Variants in GATB observed in about 807,000 individuals in gnomAD.
GATB encodes the protein glutamyl-tRNA amidotransferase subunit B, also known as glutamyl-tRNA(Gln) amidotransferase subunit B, mitochondrial.
Under a neutral mutation model 62.3 loss-of-function variants are expected in GATB, and 39 were observed. The observed-to-expected ratio is 0.63, with a 90% CI of 0.48 to 0.82. The LOEUF (loss-of-function observed/expected upper bound fraction) is 0.82, where lower values mean the gene tolerates loss of function less well. Ranked by LOEUF, GATB falls within the 40% of genes least tolerant of loss-of-function variation. The pLI is 0.00. For missense variants in GATB, 670 were observed against 684.0 expected (o/e 0.98, Z 0.23); for synonymous variants, 276 against 258.9 (o/e 1.07, Z -0.63).
At chr4:151,719,365 A>T in intron 3 of GATB, 60 bp downstream of exon 3, 1 of 1,227,212 alleles carries the variant, frequency 8.1e-7, no homozygotes, top group Non-Finnish European at 1.2e-6. Context: ...CCGACCCCCC[A>T]CAGCAGGGCT....
intron 9 of GATB, among the ~76,000 whole-genome samples, chr4:151,693,508 C>G (rs558015941): frequency 6.6e-6 from 1 of 152,130 alleles, no homozygotes; most frequent in African/African-American, 2.4e-5. Flanking sequence ...CACGACCCCC[C>G]CCTCAAGAGT....
intron 2 of GATB, among the ~76,000 whole-genome samples, chr4:151,736,529 C>G (rs138406032): frequency 2.2e-4 from 34 of 152,254 alleles, no homozygotes; most frequent in African/African-American, 8.2e-4. Flanking sequence ...GTTACTCATA[C>G]TGTTGTGAAT....
intron 9 of GATB, among the ~76,000 whole-genome samples, chr4:151,694,205 A>G (rs796642722): frequency 1.8e-4 from 27 of 152,322 alleles, no homozygotes; most frequent in African/African-American, 6.5e-4. Flanking sequence ...TGAAACCTGA[A>G]ATAATATATA....
At chr4:151,698,835 G>A (rs1738540339) in intron 9 of GATB, among the ~76,000 whole-genome samples, 1 of 151,028 alleles carries the variant, frequency 6.6e-6, no homozygotes, top group Non-Finnish European at 1.5e-5. Flanking sequence ...CGTTTTTAAG[G>A]TATCAAAAAA....
chr4:151,694,523 C>T (rs1738430664), intron 9 of GATB, among the ~76,000 whole-genome samples: 1 of 152,206 alleles, frequency 6.6e-6, no homozygotes, highest in Non-Finnish European at 1.5e-5. Context: ...TATAGAGTCA[C>T]TGTAAAAGCA....
At chr4:151,703,798 A>AAT (rs1738653080) in intron 8 of GATB, 53 bp downstream of exon 8, 2 of 1,220,716 alleles carry the variant, frequency 1.6e-6, no homozygotes, top group Non-Finnish European at 2.4e-6. Context: ...ATGAACTTGA[A>AAT]ATACGCCCCA....
intron 10 of GATB, among the ~76,000 whole-genome samples, chr4:151,682,658 A>G (rs1160798702): frequency 6.6e-6 from 1 of 151,846 alleles, no homozygotes; most frequent in African/African-American, 2.4e-5. Flanking sequence ...CTTGGATGAG[A>G]GCAGACAACG....
At chr4:151,731,017 A>G (rs1739233110) in intron 2 of GATB, among the ~76,000 whole-genome samples, 1 of 152,248 alleles carries the variant, frequency 6.6e-6, no homozygotes, top group Non-Finnish European at 1.5e-5. Context: ...ATGCAAGGAA[A>G]TCCAAAATAT....
chr4:151,701,684 A>G (rs988174535), intron 8 of GATB, among the ~76,000 whole-genome samples, 166 bp from the exon 9 acceptor site: 6 of 152,214 alleles, frequency 3.9e-5, no homozygotes, highest in Non-Finnish European at 5.9e-5. Flanking sequence ...AAGCCATTGC[A>G]TAAGTGTCAA....
At chr4:151,672,611 T>TAACTA (rs2126950667) in intron 12 of GATB, 151 bp downstream of exon 12, 1 of 762,538 alleles carries the variant, frequency 1.3e-6, no homozygotes, top group Non-Finnish European at 2.1e-6. Context: ...CTTCTGACCT[T>TAACTA]AACTAAAAAG....
chr4:151,706,476 C>A (rs914592856), intron 6 of GATB, among the ~76,000 whole-genome samples: 5 of 152,350 alleles, frequency 3.3e-5, no homozygotes, highest in Non-Finnish European at 5.9e-5. Context: ...TTCCTCCTCA[C>A]CAACTTGGCT....
At chr4:151,735,235 G>GAAA (rs530781519) in intron 2 of GATB, among the ~76,000 whole-genome samples, 349 of 98,814 alleles carry the variant, frequency 3.5e-3, no homozygotes, top group African/African-American at 9.2e-3. Context: ...AAATCAGTAA[G>GAAA]AAAAAAAAAA....
intron 11 of GATB, 83 bp from the exon 12 acceptor site, chr4:151,672,979 A>G: frequency 2.0e-6 from 3 of 1,526,694 alleles, no homozygotes; most frequent in Non-Finnish European, 2.7e-6. Flanking sequence ...TGCTGTGTGG[A>G]GCTGGGGTGG....
intron 2 of GATB, among the ~76,000 whole-genome samples, chr4:151,732,381 G>A (rs1739286481): frequency 6.6e-6 from 1 of 152,216 alleles, no homozygotes; most frequent in African/African-American, 2.4e-5. Flanking sequence ...ACTGGGAGAG[G>A]TTCTTCTGCC....
At position 151,717,035 on chromosome 4, in the gene GATB, C is replaced by G; in HGVS notation, c.481G>C (p.Val161Leu). 1.2e-6 allele frequency: 2 copies of G among 1,614,164 alleles called. No individual in the cohort carries two copies. Among genetic ancestry groups the G allele is most frequent in the Non-Finnish European group, 1.7e-6 (2 of 1,180,030 alleles). ...QITQQRLPIA[V>L]NGSLIYGVCA... Reference sequence around the variant, plus strand: ...ACGCCATATATCAAGCTCCCATTCACAGCAATTGGGAGCCTCTGCTGGGTA... The same window carrying G: ...ACGCCATATATCAAGCTCCCATTCAGAGCAATTGGGAGCCTCTGCTGGGTA... Residue 161 changes from valine to leucine, a missense_variant, in exon 4 of 13, where the codon GTG becomes CTG. Physicochemically the swap from Val to Leu is conservative, Grantham distance 32. Transcript: ENST00000263985.
Position 151,758,963 on chromosome 4 carries a change from T to G in GATB, c.177-41A>C, listed in dbSNP as rs201123599. The G allele has an allele frequency of 1.9e-5, 27 of 1,432,276 alleles. No individual in the cohort carries two copies. In the East Asian group the frequency reaches 5.9e-4, roughly 31 times the overall value. The allele number at this position is 1,432,276 out of a possible 1,614,324, so 88.7% of individuals were successfully genotyped here. ...TAATGGTTAAGATGTATTATATTTG[T>G]CACCATGAATGAATTTCTATAAGTC... On this transcript the variant is annotated intron_variant, in intron 1 of 12. Coordinates refer to ENST00000263985, the MANE Select transcript of GATB (RefSeq NM_004564.3).
intron 9 of GATB, among the ~76,000 whole-genome samples, chr4:151,692,114 C>G (rs936111890): frequency 1.3e-5 from 2 of 152,232 alleles, no homozygotes; most frequent in Non-Finnish European, 2.9e-5. Context: ...TCTACGCACT[C>G]TCTCCACATT....
In GATB at chr4:151,705,232, A is replaced by G; in HGVS notation, c.915T>C (p.Asn305=). 3 of 1,613,492 alleles carry G rather than the reference A, an allele frequency of 1.9e-6. No individual in the cohort carries two copies. The highest frequency in any genetic ancestry group is 2.5e-6 in the Non-Finnish European group (3 of 1,179,462). The stretch of plus-strand genomic sequence containing the variant: ...GTGTTTCGTTCAGAATTTCACCTCC[A>G]TTCTCAAGTTCATTGATTTGCCTCT... ...EIQRQINELE[N]GGEILNETRS... The change falls in exon 7 of 13, where the codon AAT becomes AAC. Residue 305 remains asparagine (N), a synonymous_variant. Coordinates refer to ENST00000263985, the MANE Select transcript of GATB (RefSeq NM_004564.3).
At chr4:151,678,978 C>T (rs1370567851) in intron 11 of GATB, among the ~76,000 whole-genome samples, 1 of 152,206 alleles carries the variant, frequency 6.6e-6, no homozygotes, top group Non-Finnish European at 1.5e-5. Flanking sequence ...TCACTGCAAC[C>T]TCCACCTCCC....
Sources: allele counts gnomAD v4.1 joint callset (sites outside exome capture counted in the v4.1 genomes callset), GRCh38; gene constraint gnomAD v4.1.1; transcripts MANE v1.5; gene names NCBI Gene and HGNC (gene_info 2026-07-23, HGNC 2026-07-21).